ELAVL3: variants seen among roughly 807,000 people sequenced by gnomAD.
The protein encoded by ELAVL3 is ELAV-like protein 3.
In ELAVL3, 8 loss-of-function variants were observed where a neutral mutation model predicts 34.2. The observed-to-expected ratio is 0.23, with a 90% CI of 0.14 to 0.42. The LOEUF (loss-of-function observed/expected upper bound fraction) is 0.42. ELAVL3 is among the 10% of genes least tolerant of loss of function. ELAVL3 has a pLI of 1.00. For synonymous variants in ELAVL3, 209 were observed against 222.1 expected (o/e 0.94, Z 0.53); for missense variants, 273 against 518.8 (o/e 0.53, Z 4.60).
chr19:11,459,069 C>T (rs1383755068), intron 3 of ELAVL3, among the ~76,000 whole-genome samples: 1 of 151,980 alleles, frequency 6.6e-6, no homozygotes, highest in Non-Finnish European at 1.5e-5. Context: ...CGCCTAAGCC[C>T]CGCAAGTAGC....
chr19:11,475,682 T>C (rs1971249766), intron 1 of ELAVL3, among the ~76,000 whole-genome samples: 1 of 151,382 alleles, frequency 6.6e-6, no homozygotes, highest in Non-Finnish European at 1.5e-5. Flanking sequence ...GGCACGATCT[T>C]GGCTCACTGC....
In ELAVL3 at chr19:11,458,974, A is replaced by G. The variant is rs1254274770; in HGVS notation, c.334-363T>C. Among the ~76,000 whole-genome samples, 3 of 148,416 alleles carry G rather than the reference A, an allele frequency of 2.0e-5. No individual in the cohort carries two copies. Among genetic ancestry groups the G allele is most frequent in the Non-Finnish European group, 4.5e-5 (3 of 67,162 alleles). Reference sequence around the variant, plus strand: ...ACCTTTTTTTTTTTTTAAAGACAGGATCTCACTTTTTTACCCAGGCTGGAA... The same window carrying G: ...ACCTTTTTTTTTTTTTAAAGACAGGGTCTCACTTTTTTACCCAGGCTGGAA... On this transcript the variant is annotated intron_variant, in intron 3 of 6. Coordinates refer to ENST00000359227, the MANE Select transcript of ELAVL3 (RefSeq NM_001420.4). This position sits in a 1 kb window ranked among gnomAD's most constrained non-coding sequence, Gnocchi z 7.3.
At chr19:11,473,120 CT>C (rs1971198748) in intron 1 of ELAVL3, among the ~76,000 whole-genome samples, 1 of 151,352 alleles carries the variant, frequency 6.6e-6, no homozygotes, top group East Asian at 2.0e-4. Flanking sequence ...AATCCCAGCA[CT>C]TTGGGAGGCC....
chr19:11,454,282 C>G lies in ELAVL3; in HGVS notation c.*244G>C. The stretch of plus-strand genomic sequence containing the variant: ...AACCAAACCAAGACGAGAGAGTGAA[C>G]AGCCCAGCCTGGGGTGGGGGCAGGA... On this transcript the variant is annotated 3_prime_UTR_variant, in exon 7 of 7. Transcript: ENST00000359227. This position sits in a 1 kb window ranked among gnomAD's most constrained non-coding sequence, Gnocchi z 9.2. 1 of 504,608 alleles carries G rather than the reference C, an allele frequency of 2.0e-6. No individual in the cohort carries two copies. Among genetic ancestry groups the G allele is most frequent in the Non-Finnish European group, 3.5e-6 (1 of 285,362 alleles). 31.3% of individuals were successfully genotyped at this position (504,608 alleles called of 1,614,324 possible). A position where few individuals can be genotyped will look rare whatever the true frequency, so the allele number is the denominator to read the frequency against.
In ELAVL3 at chr19:11,451,479, T is replaced by G. The variant is rs965107216; in HGVS notation, c.*3047A>C. 1.4e-4 allele frequency: 20 copies of G among 147,154 alleles called. No individual in the cohort carries two copies. The highest frequency in any genetic ancestry group is 8.8e-4 in the Admixed American group (13 of 14,796). 9.1% of individuals were successfully genotyped at this position (147,154 alleles called of 1,614,324 possible). Reference sequence around the variant, plus strand: ...TCTTGTTGGGTTTTTTTTTTTTTTTTGTCTTTTGTTTTGTCTTTTTTTTTT... The same window carrying G: ...TCTTGTTGGGTTTTTTTTTTTTTTTGGTCTTTTGTTTTGTCTTTTTTTTTT... On this transcript the variant is annotated 3_prime_UTR_variant, in exon 7 of 7. Coordinates refer to ENST00000359227, the MANE Select transcript of ELAVL3 (RefSeq NM_001420.4).
Position 11,480,614 on chromosome 19 carries a change from T to C in ELAVL3, c.-6A>G. On this transcript the variant is annotated 5_prime_UTR_variant, in exon 1 of 7. Coordinates refer to ENST00000359227, the MANE Select transcript of ELAVL3 (RefSeq NM_001420.4). The surrounding 1 kb of genome is among the most constrained non-coding windows in gnomAD (Gnocchi z 6.8). ...GGAATACCTACAGTGACCATTCTTG[T>C]GTGCCCGGCGGGCGCGGTCCGTGTT... The C allele has an allele frequency of 6.8e-7, 1 of 1,460,042 alleles. No individual in the cohort carries two copies. The highest frequency in any genetic ancestry group is 9.1e-7 in the Non-Finnish European group (1 of 1,103,800). 90.4% of individuals were successfully genotyped at this position (1,460,042 alleles called of 1,614,324 possible).
chr19:11,466,607 C>T lies in ELAVL3; in HGVS notation c.229+1G>A, dbSNP rs1317009603. ...CCTCCCCGCAACTCCAGCAGCCACA[C>T]CTGTGATCTTGTCCCGAACCAACTT... On this transcript the variant is annotated splice_donor_variant, in intron 2 of 6. Transcript: ENST00000359227. LOFTEE classifies it high-confidence loss of function. This position sits in a 1 kb window ranked among gnomAD's most constrained non-coding sequence, Gnocchi z 5.0. 6.2e-7 allele frequency: 1 copy of T among 1,614,010 alleles called. No individual in the cohort carries two copies. The highest frequency in any genetic ancestry group is 8.5e-7 in the Non-Finnish European group (1 of 1,180,020).
intron 1 of ELAVL3, among the ~76,000 whole-genome samples, chr19:11,471,933 A>G (rs943095711): frequency 6.6e-6 from 1 of 152,248 alleles, no homozygotes; most frequent in East Asian, 1.9e-4. Context: ...AATCAGCAGC[A>G]AACAGTGCTG....
Position 11,466,930 on chromosome 19 carries a change from C to T in ELAVL3, c.10-103G>A. The stretch of plus-strand genomic sequence containing the variant: ...ATGAATTAGCCATGTCTTATAGGGG[C>T]TTCGTCATGGGGAGGGGTCACTTTA... On this transcript the variant is annotated intron_variant, in intron 1 of 6. Coordinates refer to ENST00000359227, the MANE Select transcript of ELAVL3 (RefSeq NM_001420.4). The surrounding 1 kb of genome is among the most constrained non-coding windows in gnomAD (Gnocchi z 5.0). 1.1e-6 allele frequency: 1 copy of T among 916,020 alleles called. No homozygotes were observed. Among genetic ancestry groups the T allele is most frequent in the Non-Finnish European group, 1.6e-6 (1 of 608,440 alleles). 56.7% of individuals were successfully genotyped at this position (916,020 alleles called of 1,614,324 possible).
chr19:11,474,069 G>A (rs1264947392), intron 1 of ELAVL3, among the ~76,000 whole-genome samples: 1 of 152,116 alleles, frequency 6.6e-6, no homozygotes, highest in Admixed American at 6.6e-5. Context: ...GTCTCGCTCT[G>A]TCACCCAGAC....
At chr19:11,465,998 G>A (rs1386773572) in intron 3 of ELAVL3, among the ~76,000 whole-genome samples, 174 bp downstream of exon 3, 1 of 151,926 alleles carries the variant, frequency 6.6e-6, no homozygotes, top group African/African-American at 2.4e-5. Context: ...GAGAGGGAAA[G>A]CCATTGCCCC....
At position 11,454,464 on chromosome 19, in the gene ELAVL3, TCTC is replaced by T; in HGVS notation, c.*59_*61del. 1 of 1,381,604 alleles carries T rather than the reference TCTC, an allele frequency of 7.2e-7. No homozygotes were observed. The highest frequency in any genetic ancestry group is 9.6e-7 in the Non-Finnish European group (1 of 1,040,366). 85.6% of individuals were successfully genotyped at this position (1,381,604 alleles called of 1,614,324 possible). The stretch of plus-strand genomic sequence containing the variant: ...CTTGGGCCCCTTCTCTCTCTCTCTC[TCTC>T]TTTCTCTCTCTCTCTCTCTGCTGCC... On this transcript the variant is annotated 3_prime_UTR_variant, in exon 7 of 7. Transcript: ENST00000359227. This position sits in a 1 kb window ranked among gnomAD's most constrained non-coding sequence, Gnocchi z 9.2.
At chr19:11,456,271 A>C (rs2144877414) in intron 6 of ELAVL3, among the ~76,000 whole-genome samples, 1 of 149,748 alleles carries the variant, frequency 6.7e-6, no homozygotes, top group South Asian at 2.1e-4. Flanking sequence ...TGCCCAGCTA[A>C]ATTTTTGTAT....
In ELAVL3 at chr19:11,451,482, CTT is replaced by C. The variant is rs1568374236; in HGVS notation, c.*3042_*3043del. 1.2e-5 allele frequency: 1 copy of C among 82,844 alleles called. No homozygotes were observed. The highest frequency in any genetic ancestry group is 2.5e-5 in the Non-Finnish European group (1 of 39,634). 5.1% of individuals were successfully genotyped at this position (82,844 alleles called of 1,614,324 possible). On this transcript the variant is annotated 3_prime_UTR_variant, in exon 7 of 7. Coordinates refer to ENST00000359227, the MANE Select transcript of ELAVL3 (RefSeq NM_001420.4). ...TGTTGGGTTTTTTTTTTTTTTTTGT[CTT>C]TTGTTTTGTCTTTTTTTTTTTTTTT...
intron 3 of ELAVL3, among the ~76,000 whole-genome samples, chr19:11,459,163 G>C (rs142570868): frequency 7.6e-6 from 1 of 131,316 alleles, no homozygotes; most frequent in East Asian, 2.2e-4. Context: ...TTGCTCTGTC[G>C]CCAGGCTGGA....
rs754879241 is a variant in ELAVL3, at chr19:11,453,192, T to TG, written c.*1333dup. 0.021 allele frequency: 1,848 copies of TG among 89,760 alleles called. 37 individuals carry two copies. The highest frequency in any genetic ancestry group is 0.09 in the East Asian group (253 of 2,826). The allele number at this position is 89,760 out of a possible 1,614,324, so 5.6% of individuals were successfully genotyped here. ...GGGTGTCCTTTGGCCTCAAGTGTTG[T>TG]GGGGGGGGGGGCTGCCTCCAGCCCA... is the stretch of plus-strand genomic sequence containing the variant. On this transcript the variant is annotated 3_prime_UTR_variant, in exon 7 of 7. Transcript: ENST00000359227.
chr19:11,460,485 C>T (rs915524472), intron 3 of ELAVL3, among the ~76,000 whole-genome samples: 23 of 152,042 alleles, frequency 1.5e-4, no homozygotes, highest in African/African-American at 3.9e-4. Flanking sequence ...TTCCTTGGAC[C>T]GCAAAACCCT....
chr19:11,470,180 C>T (rs1230659606), intron 1 of ELAVL3, among the ~76,000 whole-genome samples: 2 of 151,740 alleles, frequency 1.3e-5, no homozygotes, highest in Non-Finnish European at 2.9e-5. Flanking sequence ...TATGGTGAAA[C>T]CCCGCCTCTA....
At chr19:11,473,093 C>T (rs1388887318) in intron 1 of ELAVL3, among the ~76,000 whole-genome samples, 1 of 144,554 alleles carries the variant, frequency 6.9e-6, no homozygotes, top group Non-Finnish European at 1.5e-5. Context: ...AGGCAGGGCG[C>T]GGTGGCTCAC....
Sources: allele counts gnomAD v4.1 joint callset (sites outside exome capture counted in the v4.1 genomes callset), GRCh38; gene constraint gnomAD v4.1.1; non-coding constraint Gnocchi (gnomAD v3.1); transcripts MANE v1.5; gene names NCBI Gene and HGNC (gene_info 2026-07-23, HGNC 2026-07-21).